APOB: variants seen among roughly 807,000 people sequenced by gnomAD.
APOB encodes apolipoprotein B-100.
In APOB, 153 loss-of-function variants were observed where a neutral mutation model predicts 314.1. The observed-to-expected ratio is 0.49, with a 90% CI of 0.43 to 0.56. APOB has a LOEUF of 0.56. Ranked by LOEUF, APOB falls within the 20% of genes least tolerant of loss-of-function variation. The pLI is 0.00. For synonymous variants in APOB, 2,087 were observed against 2,036.4 expected (o/e 1.02, Z -0.67); for missense variants, 5,430 against 5,350.7 (o/e 1.01, Z -0.46).
intron 8 of APOB, among the ~76,000 whole-genome samples, chr2:21,034,265 T>C (rs543143887): frequency 2.0e-5 from 3 of 152,346 alleles, no homozygotes; most frequent in South Asian, 4.1e-4. Context: ...CCTCTCTGTG[T>C]CACTGTCTCC....
At position 21,005,467 on chromosome 2, in the gene APOB, A is replaced by T. The variant is rs12713540; in HGVS notation, c.11401T>A (p.Ser3801Thr). The change falls in exon 26 of 29, where the codon TCT becomes ACT. Residue 3801 changes from serine (S) to threonine (T), a missense_variant. Physicochemically the swap from Ser to Thr is moderately conservative, Grantham distance 58. Coordinates refer to ENST00000233242, the MANE Select transcript of APOB (RefSeq NM_000384.3). ...FPEVDVLTKYSQPEDSLIPFF... is the reference protein window; with the variant it reads ...FPEVDVLTKYTQPEDSLIPFF... ...GGAATCAAGGAGTCTTCTGGTTGAG[A>T]ATATTTTGTTAACACATCAACTTCA... The T allele has an allele frequency of 1.7e-3, 2,804 of 1,614,038 alleles. 7 individuals are homozygous for T. Among genetic ancestry groups the T allele is most frequent in the Non-Finnish European group, 2.2e-3 (2,551 of 1,179,974 alleles).
chr2:21,033,082 A>G (rs1663918011), intron 9 of APOB, among the ~76,000 whole-genome samples: 1 of 152,190 alleles, frequency 6.6e-6, no homozygotes, highest in Non-Finnish European at 1.5e-5. Context: ...TAACACACAA[A>G]TACATAGCTG....
chr2:21,014,392 A>G (rs1405370301), intron 24 of APOB, 56 bp downstream of exon 24: 35 of 1,600,116 alleles, frequency 2.2e-5, no homozygotes, highest in Non-Finnish European at 2.7e-5. Context: ...CATGCTATGT[A>G]AAATCTTTCA....
Position 21,034,852 on chromosome 2 carries a change from C to T in APOB, c.868G>A (p.Asp290Asn). Residue 290 changes from aspartate (D) to asparagine (N), a missense_variant, in exon 8 of 29, where the codon GAC becomes AAC. This residue lies in a region of APOB where 2,085 missense variants were observed against 2,079.7 expected (regional missense o/e 1.00). Transcript: ENST00000233242. ...AQVTQTLKLE[D>N]TPKINSRFFG... Reference sequence around the variant, plus strand: ...AAGCGGCTGTTGATCTTTGGTGTGTCTTCAAGTTTCAAAGTCTGTGTCACT... The same window carrying T: ...AAGCGGCTGTTGATCTTTGGTGTGTTTTCAAGTTTCAAAGTCTGTGTCACT... 6.2e-7 allele frequency: 1 copy of T among 1,607,174 alleles called. No individual in the cohort carries two copies. Among genetic ancestry groups the T allele is most frequent in the Non-Finnish European group, 8.5e-7 (1 of 1,173,604 alleles).
intron 10 of APOB, among the ~76,000 whole-genome samples, chr2:21,031,315 T>C (rs1572797883): frequency 6.6e-6 from 1 of 152,220 alleles, no homozygotes; most frequent in African/African-American, 2.4e-5. Context: ...TGGATGGAAC[T>C]GGAGGTCATT....
Position 21,019,112 on chromosome 2 carries a change from A to G in APOB, c.3001T>C (p.Leu1001=). The G allele has an allele frequency of 6.2e-7, 1 of 1,614,022 alleles. No homozygotes were observed. Among genetic ancestry groups the G allele is most frequent in the Non-Finnish European group, 8.5e-7 (1 of 1,179,996 alleles). The change falls in exon 20 of 29, where the codon TTA becomes CTA. Residue 1001 remains leucine, a splice_region_variant and synonymous_variant. Transcript: ENST00000233242. ...CCTGTAGGCCTCAGTTCCAGCTCTA[A>G]TCTAAAGACATTACAATGAAGACAG... ...SYYPLTGDTR[L]ELELRPTGEI... is the part of the protein sequence containing the mutation.
chr2:21,019,915 A>T lies in APOB; in HGVS notation c.2817-10T>A. The T allele has an allele frequency of 1.2e-6, 2 of 1,614,056 alleles. No individual in the cohort carries two copies. Among genetic ancestry groups the T allele is most frequent in the Non-Finnish European group, 1.7e-6 (2 of 1,179,900 alleles). On this transcript the variant is annotated splice_polypyrimidine_tract_variant and intron_variant, in intron 18 of 28. Transcript: ENST00000233242. The stretch of plus-strand genomic sequence containing the variant: ...CAAATGTAATGTGTTGCTGGTGAAG[A>T]ACAAAAATACCTGAGTTATTGCCAA...
In APOB at chr2:21,011,939, C is replaced by G. The variant is rs200623857; in HGVS notation, c.4929G>C (p.Ala1643=). Residue 1643 remains alanine, a synonymous_variant, in exon 26 of 29, where the codon GCG becomes GCC. Transcript: ENST00000233242. ...TTCCATCTTGGCCAATCCTTAGTGTCGCCTTGTGAGCACCACTATTAATTT... is the reference window on the plus strand; with the variant it reads ...TTCCATCTTGGCCAATCCTTAGTGTGGCCTTGTGAGCACCACTATTAATTT... ...TDKINSGAHK[A]TLRIGQDGIS... The G allele has an allele frequency of 1.9e-6, 3 of 1,614,012 alleles. No homozygotes were observed. Among genetic ancestry groups the G allele is most frequent in the South Asian group, 2.2e-5 (2 of 91,076 alleles).
intron 7 of APOB, 34 bp from the exon 8 acceptor site, chr2:21,034,935 G>A (rs779730561): frequency 9.7e-7 from 1 of 1,027,232 alleles, no homozygotes; most frequent in South Asian, 1.3e-5. Context: ...TGTCACGGAT[G>A]GCCAGAACAT....
Position 21,004,762 on chromosome 2 carries a change from T to C in APOB, c.11789-87A>G. 4.0e-6 allele frequency: 4 copies of C among 1,011,740 alleles called. No homozygotes were observed. In the South Asian group the frequency reaches 5.2e-5, roughly 13 times the overall value. The allele number at this position is 1,011,740 out of a possible 1,614,324, so 62.7% of individuals were successfully genotyped here. ...TGTGAAAACTGGGAGAATTCTATCC[T>C]AACCAGATATTTCACTTGTGTTTAA... On this transcript the variant is annotated intron_variant, in intron 26 of 28. Transcript: ENST00000233242.
chr2:21,021,896 G>A (rs1572792238), intron 18 of APOB, among the ~76,000 whole-genome samples: 1 of 152,270 alleles, frequency 6.6e-6, no homozygotes, highest in Admixed American at 6.5e-5. Context: ...AGCGTTCAAA[G>A]GTCAGGGACC....
chr2:21,040,532 G>A (rs1664104370), intron 4 of APOB, among the ~76,000 whole-genome samples: 1 of 152,154 alleles, frequency 6.6e-6, no homozygotes, highest in South Asian at 2.1e-4. Flanking sequence ...CCGAAGCCTT[G>A]GTGCTCCTCT....
chr2:21,009,704 A>G lies in APOB; in HGVS notation c.7164T>C (p.Asp2388=), dbSNP rs1394553135. 6.2e-7 allele frequency: 1 copy of G among 1,613,506 alleles called. No homozygotes were observed. The highest frequency in any genetic ancestry group is 1.3e-5 in the African/African-American group (1 of 75,030). The change falls in exon 26 of 29, where the codon GAT becomes GAC. Residue 2388 remains aspartate (D), a synonymous_variant. Transcript: ENST00000233242. ...TAAATCCAACCAATTTCTCAAAGTA[A>G]TCTTTTATCTTAACTTGTTGTAGGA... ...SNVLQQVKIK[D]YFEKLVGFID... is the part of the protein sequence containing the mutation.
Position 21,009,348 on chromosome 2 carries a change from T to G in APOB, c.7520A>C (p.His2507Pro), listed in dbSNP as rs766283781. The change falls in exon 26 of 29, where the codon CAC (histidine) becomes CCC (proline). Residue 2507 changes from histidine to proline, a missense_variant. His to Pro is a moderately conservative substitution (Grantham distance 77). Around this residue, in one of 3 missense-constraint regions of APOB, gnomAD observed 3,281 missense variants for 3,171.0 expected, o/e 1.03. Coordinates refer to ENST00000233242, the MANE Select transcript of APOB (RefSeq NM_000384.3). ...QEALSSASLA[H>P]MKAKFRETLE... ...GGTCTCTCGGAATTTGGCCTTCATG[T>G]GAGCCAAAGATGCTGAACTTAAAGC... is the stretch of plus-strand genomic sequence containing the variant. 2 of 1,614,010 alleles carry G rather than the reference T, an allele frequency of 1.2e-6. No individual in the cohort carries two copies. Among genetic ancestry groups the G allele is most frequent in the South Asian group, 2.2e-5 (2 of 91,084 alleles).
At chr2:21,042,270 C>T in intron 3 of APOB, 91 bp downstream of exon 3, 1 of 927,832 alleles carries the variant, frequency 1.1e-6, no homozygotes, top group Non-Finnish European at 1.8e-6. Flanking sequence ...CAGTACACAC[C>T]CTCCGGGAAG....
intron 4 of APOB, 90 bp from the exon 5 acceptor site, chr2:21,038,201 A>C (rs1664052077): frequency 1.3e-4 from 174 of 1,383,492 alleles, no homozygotes; most frequent in Non-Finnish European, 1.6e-4. Context: ...TTCTTTTCTC[A>C]TATTTTTTTA....
chr2:21,040,858 T>G (rs1319387342), intron 4 of APOB, 80 bp downstream of exon 4: 1 of 1,505,540 alleles, frequency 6.6e-7, no homozygotes, highest in East Asian at 2.3e-5. Flanking sequence ...TACAGTCACA[T>G]CCGTGCCTGG....
rs1663188386 is a variant in APOB, at chr2:21,007,825, C to T, written c.9043G>A (p.Ala3015Thr). The T allele has an allele frequency of 3.1e-6, 5 of 1,613,976 alleles. No individual in the cohort carries two copies. Among genetic ancestry groups the T allele is most frequent in the Admixed American group, 1.7e-5 (1 of 59,992 alleles). The stretch of plus-strand genomic sequence containing the variant: ...GCATCATGCCTCCCAGTAAACTCTG[C>T]CTTCCCTTCTCCAAACAGTGCCATG... Reference protein sequence around the residue: ...KGMALFGEGKAEFTGRHDAHL... With the variant: ...KGMALFGEGKTEFTGRHDAHL... Residue 3015 changes from alanine (A) to threonine (T), a missense_variant, in exon 26 of 29, where the codon GCA becomes ACA. Coordinates refer to ENST00000233242, the MANE Select transcript of APOB (RefSeq NM_000384.3).
chr2:21,033,139 C>T (rs1196730714), intron 9 of APOB, among the ~76,000 whole-genome samples, 160 bp downstream of exon 9: 3 of 152,230 alleles, frequency 2.0e-5, no homozygotes, highest in Non-Finnish European at 4.4e-5. Context: ...CTCAGCGCAG[C>T]AGCTGATAGT....
Sources: allele counts gnomAD v4.1 joint callset (sites outside exome capture counted in the v4.1 genomes callset), GRCh38; gene constraint gnomAD v4.1.1; regional missense constraint gnomAD v4.1.1; transcripts MANE v1.5; gene names NCBI Gene and HGNC (gene_info 2026-07-23, HGNC 2026-07-21).